Variants in CFH observed in about 807,000 individuals in gnomAD.
The protein encoded by CFH is complement factor H.
In CFH, 53 loss-of-function variants were observed where a neutral mutation model predicts 147.3. That is an observed-to-expected ratio of 0.36 (90% CI 0.29 to 0.45). The LOEUF (loss-of-function observed/expected upper bound fraction) is 0.45, where lower values mean the gene tolerates loss of function less well. CFH is among the 20% of genes least tolerant of loss of function. The pLI is 1.00. For missense variants in CFH, 1,380 were observed against 1,498.0 expected, an observed-to-expected ratio of 0.92 and a Z score of 1.30; for synonymous variants, 536 against 489.4, an observed-to-expected ratio of 1.10 and a Z score of -1.26.
chr1:196,709,865 C>T (rs1254958676), intron 9 of CFH, among the ~76,000 whole-genome samples: 5 of 151,950 alleles, frequency 3.3e-5, no homozygotes, highest in East Asian at 1.9e-4. Flanking sequence ...AAAAATTAGC[C>T]GGGCATTATG....
chr1:196,737,521 T>G lies in CFH; in HGVS notation c.2643T>G (p.Ile881Met). 1 of 1,613,378 alleles carries G rather than the reference T, an allele frequency of 6.2e-7. No individual in the cohort carries two copies. The highest frequency in any genetic ancestry group is 8.5e-7 in the Non-Finnish European group (1 of 1,179,546). ...CACCTCAGATAGAACACGGAACCAT[T>G]AATTCATCCAGGTCTTCACAAGAAA... ...SQPPQIEHGT[I>M]NSSRSSQESY... Residue 881 changes from isoleucine to methionine, a missense_variant, in exon 17 of 22, where the codon ATT (isoleucine) becomes ATG (methionine). By Grantham distance (10) the Ile-to-Met change is conservative. This residue lies in a region of CFH where 830 missense variants were observed against 821.4 expected (regional missense o/e 1.01). Coordinates refer to ENST00000367429, the MANE Select transcript of CFH (RefSeq NM_000186.4).
intron 1 of CFH, among the ~76,000 whole-genome samples, chr1:196,668,346 T>C (rs552071214): frequency 1.3e-5 from 2 of 152,338 alleles, no homozygotes; most frequent in East Asian, 3.9e-4. Context: ...AGTTCTCTGC[T>C]GACTTTTAAT....
At chr1:196,682,170 C>T (rs930769937) in intron 6 of CFH, among the ~76,000 whole-genome samples, 4 of 151,692 alleles carry the variant, frequency 2.6e-5, no homozygotes, top group Non-Finnish European at 4.4e-5. Flanking sequence ...ATCAAAGGTA[C>T]GAAGAACTGC....
At position 196,727,092 on chromosome 1, in the gene CFH, T is replaced by C. The variant is rs182812337; in HGVS notation, c.2236+152T>C. ...CAATCTTTTGCATATTGCTTATAAT[T>C]CAATATGTGTCTAGAAAGAAAAAAT... On this transcript the variant is annotated intron_variant, in intron 14 of 21. Coordinates refer to ENST00000367429, the MANE Select transcript of CFH (RefSeq NM_000186.4). 5.9e-6 allele frequency: 4 copies of C among 678,478 alleles called. No individual in the cohort carries two copies. The African/African-American group carries it at 7.2e-5, about 12-fold the overall frequency. The allele number at this position is 678,478 out of a possible 1,614,324, so 42.0% of individuals were successfully genotyped here.
Position 196,747,284 on chromosome 1 carries a change from C to A in CFH, c.3667C>A (p.Leu1223Met). Residue 1223 changes from leucine to methionine, a missense_variant, in exon 22 of 22, where the codon CTG becomes ATG. Leu to Met is a conservative substitution (Grantham distance 15). Around this residue, in one of 4 missense-constraint regions of CFH, gnomAD observed 123 missense variants for 185.3 expected, o/e 0.66. Transcript: ENST00000367429. ...GCGAACAACATGTTGGGATGGGAAACTGGAGTATCCAACTTGTGCAAAAAG... is the reference window on the plus strand; with the variant it reads ...GCGAACAACATGTTGGGATGGGAAAATGGAGTATCCAACTTGTGCAAAAAG... ...TLRTTCWDGK[L>M]EYPTCAKR 6.2e-7 allele frequency: 1 copy of A among 1,614,034 alleles called. No individual in the cohort carries two copies. The highest frequency in any genetic ancestry group is 8.5e-7 in the Non-Finnish European group (1 of 1,179,968).
rs1157894258 is a variant in CFH at position 196,679,814 on chromosome 1, T to C, written c.790+21T>C. 2.5e-6 allele frequency: 4 copies of C among 1,598,690 alleles called. No individual in the cohort carries two copies. The East Asian group carries it at 6.7e-5, about 27-fold the overall frequency. ...TGAAGGTAATGTTACCTTTATTTTC[T>C]GGATCTTTATAAATTTATCACATAT... is the stretch of plus-strand genomic sequence containing the variant. On this transcript the variant is annotated intron_variant, in intron 6 of 21. Transcript: ENST00000367429.
intron 1 of CFH, among the ~76,000 whole-genome samples, chr1:196,670,251 G>T (rs1212964870): frequency 6.6e-6 from 1 of 152,110 alleles, no homozygotes; most frequent in Non-Finnish European, 1.5e-5. Flanking sequence ...TGGACTTTAG[G>T]GTTAATGCTG....
chr1:196,747,355 T>C lies in CFH; in HGVS notation c.*42T>C. ...CACACCTTTATTCAGAACTTTAGTA[T>C]TAAATCAGTTCTCAATTTCATTTTT... On this transcript the variant is annotated 3_prime_UTR_variant, in exon 22 of 22. Transcript: ENST00000367429. The C allele has an allele frequency of 6.2e-7, 1 of 1,611,460 alleles. No individual in the cohort carries two copies. Among genetic ancestry groups the C allele is most frequent in the African/African-American group, 1.3e-5 (1 of 75,002 alleles).
At chr1:196,743,431 A>C (rs757369677) in intron 19 of CFH, 21 bp from the exon 20 acceptor site, 1 of 1,613,920 alleles carries the variant, frequency 6.2e-7, no homozygotes, top group Non-Finnish European at 8.5e-7. Flanking sequence ...AGGTGGAACC[A>C]CTTCTTTTTT....
chr1:196,728,612 T>C (rs1669205909), intron 15 of CFH, 90 bp downstream of exon 15: 3 of 1,271,492 alleles, frequency 2.4e-6, no homozygotes, highest in Admixed American at 3.5e-5. Flanking sequence ...TTTAGCTATT[T>C]ATTATTACAA....
intron 1 of CFH, among the ~76,000 whole-genome samples, chr1:196,653,643 A>G (rs1160242551): frequency 6.6e-6 from 1 of 152,186 alleles, no homozygotes; most frequent in East Asian, 1.9e-4. Context: ...AATTTGAAAT[A>G]TTATTAAAAT....
chr1:196,662,527 T>C (rs190243790), intron 1 of CFH, among the ~76,000 whole-genome samples: 1 of 152,298 alleles, frequency 6.6e-6, no homozygotes, highest in African/African-American at 2.4e-5. Flanking sequence ...CAGTTTCAGT[T>C]TTCTGAAATA....
chr1:196,741,494 A>G (rs1469814645), intron 18 of CFH: 4 of 270,482 alleles, frequency 1.5e-5, no homozygotes, highest in Non-Finnish European at 2.9e-5. Context: ...CCATGATCCA[A>G]TCACTTCCCA....
chr1:196,728,479 A>G lies in CFH; in HGVS notation c.2370A>G (p.Thr790=). 3 of 1,613,026 alleles carry G rather than the reference A, an allele frequency of 1.9e-6. No homozygotes were observed. The highest frequency in any genetic ancestry group is 2.5e-6 in the Non-Finnish European group (3 of 1,179,232). Residue 790 remains threonine, a synonymous_variant, in exon 15 of 22, where the codon ACA becomes ACG. Transcript: ENST00000367429. ...RCRGKEGWIH[T]VCINGRWDPE... ...GAGGAAAAGAAGGATGGATACACACAGTCTGCATAAATGGAAGATGGGATC... is the reference window on the plus strand; with the variant it reads ...GAGGAAAAGAAGGATGGATACACACGGTCTGCATAAATGGAAGATGGGATC...
intron 9 of CFH, among the ~76,000 whole-genome samples, chr1:196,709,818 G>A (rs776147955): frequency 6.6e-6 from 1 of 151,972 alleles, no homozygotes; most frequent in African/African-American, 2.4e-5. Flanking sequence ...GCAACATACT[G>A]GTCAACAAGG....
intron 9 of CFH, chr1:196,692,360 A>AT: frequency 2.5e-6 from 2 of 802,482 alleles, no homozygotes; most frequent in Non-Finnish European, 3.0e-6. Context: ...CATTACTTTT[A>AT]TTTTTTTCTT....
In CFH at chr1:196,674,872, AAAAATAAATAAGACACAC is replaced by A. The variant is rs575344061; in HGVS notation, c.350+912_350+929del. On this transcript the variant is annotated intron_variant, in intron 3 of 21. Transcript: ENST00000367429. Reference sequence around the variant, plus strand: ...TTTATGTGCATCATGGATTGGCAGGAAAAATAAATAAGACACACATCTGCAGCCCTTAGAAGAGACCTT... The same window carrying A: ...TTTATGTGCATCATGGATTGGCAGGAATCTGCAGCCCTTAGAAGAGACCTT... Among the ~76,000 whole-genome samples, 53 of 152,288 alleles carry A rather than the reference AAAAATAAATAAGACACAC, an allele frequency of 3.5e-4. 1 individual carries two copies. The East Asian group carries it at 9.7e-3, about 28-fold the overall frequency.
At chr1:196,696,624 T>G (rs1287836378) in intron 9 of CFH, among the ~76,000 whole-genome samples, 1 of 152,208 alleles carries the variant, frequency 6.6e-6, no homozygotes, top group East Asian at 1.9e-4. Context: ...AAGCTACCAA[T>G]GACTTTCTTT....
intron 15 of CFH, among the ~76,000 whole-genome samples, chr1:196,734,658 T>C (rs1453913665): frequency 6.6e-6 from 1 of 151,982 alleles, no homozygotes; most frequent in Non-Finnish European, 1.5e-5. Flanking sequence ...AGTGTGCCTG[T>C]GGGGGGAAGG....
Sources: gnomAD v4.1 joint callset for allele counts (sites outside exome capture counted in the v4.1 genomes callset) on GRCh38, gnomAD v4.1.1 for gene constraint, gnomAD v4.1.1 regional missense constraint, MANE v1.5 for transcripts, NCBI Gene and HGNC (gene_info 2026-07-23, HGNC 2026-07-21) for gene names.